The following ESPN variants were observed in gnomAD, a reference collection of about 807,000 sequenced individuals.
The protein encoded by ESPN is autosomal recessive deafness type 36 protein.
In ESPN, 68 loss-of-function variants were observed where a neutral mutation model predicts 77.7. The observed-to-expected ratio is 0.87, with a 90% CI of 0.72 to 1.07. The LOEUF is 1.07. Among genes scored for constraint, ESPN ranks in the 50% least tolerant of loss-of-function variants. The probability of loss-of-function intolerance (pLI) is 0.00; values close to 1 mark genes in which losing one functional copy is unlikely to be tolerated. For missense variants in ESPN, 1,060 were observed against 1,239.0 expected (o/e 0.86, Z 2.17); for synonymous variants, 449 against 567.1 (o/e 0.79, Z 2.96).
intron 6 of ESPN, chr1:6,445,435 C>T (rs1303991211): frequency 5.9e-5 from 37 of 628,946 alleles, no homozygotes; most frequent in Admixed American, 1.4e-4. Flanking sequence ...CCAGTGCTTC[C>T]CCTCCAAACC....
chr1:6,437,919 C>T lies in ESPN; in HGVS notation c.489-2335C>T, dbSNP rs560042677. Among the ~76,000 whole-genome samples the T allele has an allele frequency of 6.9e-5, 9 of 130,482 alleles. No homozygotes were observed. Among genetic ancestry groups the T allele is most frequent in the African/African-American group, 2.5e-4 (9 of 35,342 alleles). 85.6% of individuals were successfully genotyped at this position (130,482 alleles called of 152,430 possible). A position where few individuals can be genotyped will look rare whatever the true frequency, so the allele number is the denominator to read the frequency against. ...ACAGGGGTCAGAAGAGGGGCTAAGT[C>T]GTGTTGGGAACAAGAGGGTGGGTGG... On this transcript the variant is annotated intron_variant, in intron 2 of 12. Transcript: ENST00000645284. This position sits in a 1 kb window ranked among gnomAD's most constrained non-coding sequence, Gnocchi z 4.5.
intron 12 of ESPN, among the ~76,000 whole-genome samples, chr1:6,458,679 C>CCAG (rs1481812893): frequency 6.6e-6 from 1 of 151,302 alleles, no homozygotes; most frequent in Non-Finnish European, 1.5e-5. Context: ...ACCTGTAATC[C>CCAG]CAGCACTTTG....
chr1:6,442,580 A>G (rs1643677673), intron 5 of ESPN, among the ~76,000 whole-genome samples: 2 of 148,942 alleles, frequency 1.3e-5, no homozygotes, highest in Admixed American at 1.3e-4. Flanking sequence ...CTAAAAAAAA[A>G]AAAAAAAGGC....
At chr1:6,430,643 T>C (rs1643208490) in intron 2 of ESPN, among the ~76,000 whole-genome samples, 1 of 152,094 alleles carries the variant, frequency 6.6e-6, no homozygotes, top group African/African-American at 2.4e-5. Context: ...TGGTGGCGCA[T>C]GCCTGTAATC....
At position 6,451,306 on chromosome 1, in the gene ESPN, C is replaced by G. The variant is rs575852011; in HGVS notation, c.1916-297C>G. 8.1e-6 allele frequency: 4 copies of G among 490,972 alleles called. No individual in the cohort carries two copies. Among genetic ancestry groups the G allele is most frequent in the Non-Finnish European group, 1.5e-5 (4 of 267,886 alleles). 30.4% of individuals were successfully genotyped at this position (490,972 alleles called of 1,614,324 possible). A position where few individuals can be genotyped will look rare whatever the true frequency, so the allele number is the denominator to read the frequency against. On this transcript the variant is annotated intron_variant, in intron 8 of 12. Transcript: ENST00000645284. This position sits in a 1 kb window ranked among gnomAD's most constrained non-coding sequence, Gnocchi z 4.3. The stretch of plus-strand genomic sequence containing the variant: ...TGGAGCTGGGCAGTCAGTGGCTGGG[C>G]GGGGACATATGCCCAAGAGCCACCA...
chr1:6,459,970 C>T (rs756477729), intron 12 of ESPN, 29 bp from the exon 13 acceptor site: 5 of 1,612,858 alleles, frequency 3.1e-6, no homozygotes, highest in Non-Finnish European at 3.4e-6. Flanking sequence ...CAGACTTCAC[C>T]GGGTCTGCCC....
At position 6,425,184 on chromosome 1, in the gene ESPN, G is replaced by A. The variant is rs1450150249; in HGVS notation, c.229G>A (p.Ala77Thr). 1.3e-6 allele frequency: 2 copies of A among 1,538,210 alleles called. No individual in the cohort carries two copies. Among genetic ancestry groups the A allele is most frequent in the Admixed American group, 1.9e-5 (1 of 52,294 alleles). The change falls in exon 1 of 13, where the codon GCC (alanine) becomes ACC (threonine). Residue 77 changes from alanine (A) to threonine (T), a missense_variant. Transcript: ENST00000645284. Reference sequence around the variant, plus strand: ...CAACGGCGCCACACCGGCCCACGACGCCTCCGCCACCGGCCACCTCGCCTG... The same window carrying A: ...CAACGGCGCCACACCGGCCCACGACACCTCCGCCACCGGCCACCTCGCCTG... ...ARNGATPAHD[A>T]SATGHLACLQ...
intron 2 of ESPN, among the ~76,000 whole-genome samples, chr1:6,433,256 G>A (rs1325648963): frequency 6.6e-5 from 10 of 152,046 alleles, no homozygotes; most frequent in Non-Finnish European, 1.5e-4. Flanking sequence ...CAGCCCGGCC[G>A]ATACGGTGAA....
downstream of ESPN, chr1:6,461,183 T>TAATA (rs1644159927): frequency 1.4e-6 from 1 of 710,496 alleles, no homozygotes; most frequent in Non-Finnish European, 2.6e-6. The surrounding 1 kb of genome is among the most constrained non-coding windows in gnomAD (Gnocchi z 6.3). Context: ...TTCACAGATT[T>TAATA]AATACCGCGA....
At position 6,456,350 on chromosome 1, in the gene ESPN, C is replaced by T. The variant is rs1004942273; in HGVS notation, c.2326-834C>T. The T allele has an allele frequency of 6.5e-5, 25 of 385,988 alleles. 1 individual carries two copies. The highest frequency in any genetic ancestry group is 1.1e-4 in the Non-Finnish European group (25 of 218,498). The allele number at this position is 385,988 out of a possible 1,614,324, so 23.9% of individuals were successfully genotyped here. On this transcript the variant is annotated intron_variant, in intron 10 of 12. Transcript: ENST00000645284. ...GGGCCCAGGACCAGGCTGCCTCAGC[C>T]TCTGAGGTCCCATCGTGGCGGGCTG...
chr1:6,426,617 C>T (rs61780703), intron 1 of ESPN, among the ~76,000 whole-genome samples: 9,721 of 152,210 alleles, frequency 0.064, 407 homozygotes, highest in East Asian at 0.14. Flanking sequence ...GGCCAGAGCC[C>T]ACAGGCCTGT....
Position 6,425,260 on chromosome 1 carries a change from G to C in ESPN, c.294+11G>C, listed in dbSNP as rs528136609. ...GGCTGCAGAGTGCAGGTGGGTCCGC[G>C]CGGTTCGCCAGGGGCACTGAGGCTT... On this transcript the variant is annotated intron_variant, in intron 1 of 12. Transcript: ENST00000645284. The C allele has an allele frequency of 1.3e-6, 2 of 1,567,698 alleles. No homozygotes were observed.
intron 10 of ESPN, chr1:6,455,709 C>A: frequency 2.5e-6 from 1 of 399,166 alleles, no homozygotes; most frequent in Non-Finnish European, 4.4e-6. Context: ...CAAGTTCCGC[C>A]ACCTACTGTG....
Position 6,457,277 on chromosome 1 carries a change from C to T in ESPN, c.2405+14C>T. 6 of 1,614,180 alleles carry T rather than the reference C, an allele frequency of 3.7e-6. No homozygotes were observed. Among genetic ancestry groups the T allele is most frequent in the Non-Finnish European group, 5.1e-6 (6 of 1,179,994 alleles). On this transcript the variant is annotated intron_variant, in intron 11 of 12. Transcript: ENST00000645284. ...GGAAGAAGAGAGGTGAGCTGGGGGT[C>T]AGGCAGAGGCTGGCCTGGCAGGGTG...
intron 1 of ESPN, among the ~76,000 whole-genome samples, chr1:6,426,001 G>A (rs1643021226): frequency 6.6e-6 from 1 of 152,238 alleles, no homozygotes; most frequent in Non-Finnish European, 1.5e-5. Flanking sequence ...AGTGGGTGAG[G>A]AAGGGAAAAG....
Position 6,448,977 on chromosome 1 carries a change from C to T in ESPN, c.1801C>T (p.Pro601Ser). ...CAGGGAGCTGCCACCGCCGCCCCCACCGCCGCCGCCGCCCCTGCCGGAGGC... is the reference window on the plus strand; with the variant it reads ...CAGGGAGCTGCCACCGCCGCCCCCATCGCCGCCGCCGCCCCTGCCGGAGGC... Reference protein sequence around the residue: ...ASRELPPPPPPPPPPLPEAAS... With the variant: ...ASRELPPPPPSPPPPLPEAAS... Residue 601 changes from proline (P) to serine (S), a missense_variant, in exon 8 of 13, where the codon CCG becomes TCG. Pro to Ser is a moderately conservative substitution (Grantham distance 74). Transcript: ENST00000645284. The T allele has an allele frequency of 7.0e-7, 1 of 1,420,144 alleles. No individual in the cohort carries two copies. Among genetic ancestry groups the T allele is most frequent in the Non-Finnish European group, 9.2e-7 (1 of 1,092,682 alleles). 88.0% of individuals were successfully genotyped at this position (1,420,144 alleles called of 1,614,324 possible).
At chr1:6,457,421 C>A in intron 12 of ESPN, 49 bp downstream of exon 12, 5 of 1,613,810 alleles carry the variant, frequency 3.1e-6, no homozygotes, top group Non-Finnish European at 4.2e-6. Flanking sequence ...CCACCCAAGT[C>A]GCAGAGGGTC....
chr1:6,443,960 T>C (rs1643736376), intron 5 of ESPN, among the ~76,000 whole-genome samples: 1 of 152,152 alleles, frequency 6.6e-6, no homozygotes, highest in South Asian at 2.1e-4. Context: ...GCAGCCTGAG[T>C]TCTGGCTGCC....
intron 2 of ESPN, among the ~76,000 whole-genome samples, chr1:6,436,038 C>T (rs1440379857): frequency 6.6e-6 from 1 of 152,226 alleles, no homozygotes; most frequent in African/African-American, 2.4e-5. Context: ...CCTGCAGGTC[C>T]TCCTGCCGGG....
Sources: allele counts gnomAD v4.1 joint callset (sites outside exome capture counted in the v4.1 genomes callset), GRCh38; gene constraint gnomAD v4.1.1; non-coding constraint Gnocchi (gnomAD v3.1); transcripts MANE v1.5; gene names NCBI Gene and HGNC (gene_info 2026-07-23, HGNC 2026-07-21).